Variants in DCLK2 observed in about 807,000 individuals in gnomAD.
DCLK2 encodes doublecortin like kinase 2.
A neutral mutation model predicts 78.4 loss-of-function variants in DCLK2; 31 were observed. The ratio of observed to expected loss-of-function variants is 0.40; its 90% confidence interval spans 0.30 to 0.53. The LOEUF (loss-of-function observed/expected upper bound fraction) is 0.53, where lower values mean the gene tolerates loss of function less well. Among genes scored for constraint, DCLK2 ranks in the 20% least tolerant of loss-of-function variants. The probability of loss-of-function intolerance (pLI) is 0.61; values close to 1 mark genes in which losing one functional copy is unlikely to be tolerated. For synonymous variants in DCLK2, 407 were observed against 374.9 expected (o/e 1.09, Z -0.99); for missense variants, 872 against 973.7 (o/e 0.90, Z 1.39).
At chr4:150,218,138 T>G (rs1157725824) in intron 5 of DCLK2, among the ~76,000 whole-genome samples, 1 of 124,180 alleles carries the variant, frequency 8.1e-6, no homozygotes, top group Non-Finnish European at 1.6e-5. Flanking sequence ...GGCTCAAGGC[T>G]TCAGCCTAGG....
In DCLK2 at chr4:150,175,011, A is replaced by AAAAAAAAAAAAAAAAT. The variant is rs1454035697; in HGVS notation, c.757-18126_757-18125insAAAAAAAAAAAAAATA. On this transcript the variant is annotated intron_variant, in intron 2 of 15. Coordinates refer to ENST00000296550, the MANE Select transcript of DCLK2 (RefSeq NM_001040260.4). Reference sequence around the variant, plus strand: ...AGACTCCGTCGCAAAAAAAAAAAAAAATATATATATATATATATATATTTA... The same window carrying AAAAAAAAAAAAAAAAT: ...AGACTCCGTCGCAAAAAAAAAAAAAAAAAAAAAAAAAAAAATATATATATATATATATATATATTTA... Among the ~76,000 whole-genome samples, 7 of 9,974 alleles carry AAAAAAAAAAAAAAAAT rather than the reference A, an allele frequency of 7.0e-4. 2 individuals are homozygous for AAAAAAAAAAAAAAAAT. The highest frequency in any genetic ancestry group is 2.3e-3 in the Admixed American group (1 of 444). The allele number at this position is 9,974 out of a possible 152,430, so 6.5% of individuals were successfully genotyped here. A position where few individuals can be genotyped will look rare whatever the true frequency, so the allele number is the denominator to read the frequency against.
chr4:150,224,516 G>A lies in DCLK2; in HGVS notation c.1257G>A (p.Glu419=), dbSNP rs1224475227. 13 of 1,612,326 alleles carry A rather than the reference G, an allele frequency of 8.1e-6. No individual in the cohort carries two copies. The highest frequency in any genetic ancestry group is 1.1e-5 in the Non-Finnish European group (13 of 1,179,218). ...KECIDRSTGK[E]FALKIIDKAK... ...TATTCCATAGGTCCACTGGAAAGGA[G>A]TTTGCCCTAAAGATTATAGACAAAG... The change falls in exon 8 of 16, where the codon GAG becomes GAA. Residue 419 remains glutamate, a synonymous_variant. Coordinates refer to ENST00000296550, the MANE Select transcript of DCLK2 (RefSeq NM_001040260.4).
At chr4:150,095,052 A>G (rs1450937453) in intron 1 of DCLK2, among the ~76,000 whole-genome samples, 1 of 152,250 alleles carries the variant, frequency 6.6e-6, no homozygotes, top group Non-Finnish European at 1.5e-5. Flanking sequence ...ATTATGAGAA[A>G]TTAATATATT....
intron 1 of DCLK2, among the ~76,000 whole-genome samples, chr4:150,101,079 C>T (rs756972790): frequency 4.4e-4 from 67 of 152,016 alleles, no homozygotes; most frequent in Non-Finnish European, 5.3e-4. Flanking sequence ...ATAATAAAAA[C>T]GCTGTCTCTA....
intron 12 of DCLK2, among the ~76,000 whole-genome samples, chr4:150,246,219 G>A (rs571529150): frequency 6.6e-6 from 1 of 152,060 alleles, no homozygotes; most frequent in East Asian, 1.9e-4. Flanking sequence ...TGATTTTTTT[G>A]TATTTTCAGT....
At chr4:150,083,210 G>A (rs1729424183) in intron 1 of DCLK2, among the ~76,000 whole-genome samples, 1 of 152,228 alleles carries the variant, frequency 6.6e-6, no homozygotes, top group African/African-American at 2.4e-5. Flanking sequence ...ACAGAATGGG[G>A]TGTATATCTC....
chr4:150,081,906 G>A (rs1329149548), intron 1 of DCLK2, among the ~76,000 whole-genome samples: 2 of 149,890 alleles, frequency 1.3e-5, no homozygotes, highest in Non-Finnish European at 3.0e-5. Flanking sequence ...GCTGAGACAG[G>A]AGAATTGCTT....
chr4:150,157,489 T>TTTG lies in DCLK2; in HGVS notation c.757-35647_757-35646insGTT, dbSNP rs371408030. On this transcript the variant is annotated intron_variant, in intron 2 of 15. Transcript: ENST00000296550. ...TTTGTATTTTTTGTAGAGATGGTTT[T>TTTG]TTTGTTTGTTTGTTTGTTTGTTTGT... Among the ~76,000 whole-genome samples, 35 of 98,908 alleles carry TTTG rather than the reference T, an allele frequency of 3.5e-4. 1 individual carries two copies. The East Asian group carries it at 8.4e-3, about 24-fold the overall frequency. 64.9% of individuals were successfully genotyped at this position (98,908 alleles called of 152,430 possible). A position where few individuals can be genotyped will look rare whatever the true frequency, so the allele number is the denominator to read the frequency against.
At chr4:150,247,548 T>TA (rs1402339182) in intron 12 of DCLK2, 55 bp from the exon 13 acceptor site, 5 of 1,536,196 alleles carry the variant, frequency 3.3e-6, no homozygotes, top group Middle Eastern at 1.7e-4. Flanking sequence ...GACATTTTGT[T>TA]GAAAAATTCT....
chr4:150,148,823 A>G (rs1734670346), intron 2 of DCLK2, among the ~76,000 whole-genome samples: 1 of 152,006 alleles, frequency 6.6e-6, no homozygotes, highest in Non-Finnish European at 1.5e-5. Flanking sequence ...ACTTGAGGTC[A>G]GGGGCTCATG....
chr4:150,127,278 T>G (rs1448854379), intron 2 of DCLK2, among the ~76,000 whole-genome samples: 1 of 152,202 alleles, frequency 6.6e-6, no homozygotes. Context: ...AATGTTGGTA[T>G]CCACTCATGG....
intron 2 of DCLK2, among the ~76,000 whole-genome samples, chr4:150,115,296 TGTTG>T (rs1239632145): frequency 1.3e-5 from 2 of 152,180 alleles, no homozygotes; most frequent in Admixed American, 6.5e-5. Context: ...AATTTCTTTT[TGTTG>T]GTTTTTGCCT....
chr4:150,211,386 C>T (rs2126488493), intron 5 of DCLK2, among the ~76,000 whole-genome samples: 1 of 152,184 alleles, frequency 6.6e-6, no homozygotes, highest in East Asian at 1.9e-4. Flanking sequence ...AGCCAGACCC[C>T]ATCTCTTCCA....
At chr4:150,172,422 C>G (rs954340451) in intron 2 of DCLK2, among the ~76,000 whole-genome samples, 6 of 151,214 alleles carry the variant, frequency 4.0e-5, no homozygotes, top group African/African-American at 1.2e-4. Context: ...GCTAACATGG[C>G]GAAACCCCAT....
At chr4:150,245,971 G>T (rs980070691) in intron 12 of DCLK2, among the ~76,000 whole-genome samples, 1 of 151,936 alleles carries the variant, frequency 6.6e-6, no homozygotes, top group African/African-American at 2.4e-5. Context: ...TGTTTATTGC[G>T]GCACTATTCA....
rs546057336 is a variant in DCLK2, at chr4:150,237,309, G to A, written c.1567-2433G>A. ...TGGAAAGTTTTCCTAAGACTGTGAC[G>A]TGACTAAGAATCTGGAATCCGTTAC... is the stretch of plus-strand genomic sequence containing the variant. On this transcript the variant is annotated intron_variant, in intron 10 of 15. Transcript: ENST00000296550. 2.2e-4 allele frequency among the ~76,000 whole-genome samples: 33 copies of A among 152,212 alleles called. No individual in the cohort carries two copies. In the South Asian group the frequency reaches 6.4e-3, roughly 30 times the overall value.
At chr4:150,148,593 A>G (rs1469123349) in intron 2 of DCLK2, among the ~76,000 whole-genome samples, 4 of 152,056 alleles carry the variant, frequency 2.6e-5, no homozygotes, top group Non-Finnish European at 5.9e-5. Context: ...ATGTTAACTT[A>G]CAACAGTAAG....
At chr4:150,218,047 C>G (rs1317779945) in intron 5 of DCLK2, among the ~76,000 whole-genome samples, 2 of 151,920 alleles carry the variant, frequency 1.3e-5, no homozygotes, top group African/African-American at 4.8e-5. Flanking sequence ...GTTGCTCGCT[C>G]TCACTCTCGC....
intron 2 of DCLK2, among the ~76,000 whole-genome samples, chr4:150,169,652 G>A (rs950694083): frequency 7.7e-6 from 1 of 130,000 alleles, no homozygotes; most frequent in Admixed American, 7.7e-5. Context: ...GTGAAACTCC[G>A]TCTCAAAAAA....
Sources: gnomAD v4.1 joint callset for allele counts (sites outside exome capture counted in the v4.1 genomes callset) on GRCh38, gnomAD v4.1.1 for gene constraint, MANE v1.5 for transcripts, NCBI Gene and HGNC (gene_info 2026-07-23, HGNC 2026-07-21) for gene names.